The following RGS6 variants were observed in gnomAD, a reference collection of about 807,000 sequenced individuals.
The protein encoded by RGS6 is regulator of G-protein signaling 6.
RGS6 carries 30 observed loss-of-function variants against 78.5 expected under a neutral mutation model. The ratio of observed to expected loss-of-function variants is 0.38; its 90% CI spans 0.29 to 0.52. RGS6 has a LOEUF of 0.52. Ranked by LOEUF, RGS6 falls within the 20% of genes least tolerant of loss-of-function variation. The probability of loss-of-function intolerance (pLI) is 0.85; values close to 1 mark genes in which losing one functional copy is unlikely to be tolerated. For synonymous variants in RGS6, 206 were observed against 206.0 expected (o/e 1.00, Z 0.00); for missense variants, 495 against 609.7 (o/e 0.81, Z 1.98).
chr14:72,338,080 C>G (rs147427337), intron 2 of RGS6, among the ~76,000 whole-genome samples: 1 of 152,294 alleles, frequency 6.6e-6, no homozygotes, highest in African/African-American at 2.4e-5. Context: ...AGATATGGGC[C>G]TCCCCTTGAC....
chr14:72,619,276 C>T, the RGS6 span: 14 of 1,535,604 alleles, frequency 9.1e-6, no homozygotes, highest in East Asian at 9.8e-5. Flanking sequence ...AGCAGCGAGT[C>T]ACATTCTGTG....
the RGS6 span, among the ~76,000 whole-genome samples, chr14:72,624,333 C>CTTTTTTTTTTTTTTTTTT: frequency 3.1e-5 from 3 of 97,796 alleles, no homozygotes; most frequent in African/African-American, 1.2e-4. Flanking sequence ...ACCTATGTCT[C>CTTTTTTTTTTTTTTTTTT]TTTTTTTTTT....
chr14:72,268,952 C>G (rs1397941581), intron 2 of RGS6, among the ~76,000 whole-genome samples: 3 of 152,192 alleles, frequency 2.0e-5, no homozygotes, highest in Non-Finnish European at 4.4e-5. Context: ...GGCAATTCGA[C>G]CTGATCTCTC....
chr14:72,238,157 C>G (rs2051665785), intron 2 of RGS6, among the ~76,000 whole-genome samples: 1 of 152,178 alleles, frequency 6.6e-6, no homozygotes, highest in South Asian at 2.1e-4. Context: ...CAAAGTTGTT[C>G]TCTTTGAAGT....
intron 3 of RGS6, among the ~76,000 whole-genome samples, chr14:72,376,422 G>T (rs1271225881): frequency 1.3e-5 from 2 of 152,208 alleles, no homozygotes; most frequent in African/African-American, 4.8e-5. Flanking sequence ...GGGAAAAGGT[G>T]CAGAAAACAT....
chr14:72,456,008 G>T (rs2095620449), intron 4 of RGS6, among the ~76,000 whole-genome samples: 1 of 152,162 alleles, frequency 6.6e-6, no homozygotes, highest in Non-Finnish European at 1.5e-5. Context: ...GTGAGAATGA[G>T]CTTCAGGAAT....
chr14:71,962,262 A>T (rs914634408), intron 1 of RGS6, among the ~76,000 whole-genome samples: 1 of 151,928 alleles, frequency 6.6e-6, no homozygotes, highest in Non-Finnish European at 1.5e-5. Context: ...AACACACACA[A>T]ATGCTTCTGT....
Position 72,510,256 on chromosome 14 carries a change from C to T in RGS6, c.1068C>T (p.Ser356=). 1 of 1,614,096 alleles carries T rather than the reference C, an allele frequency of 6.2e-7. No homozygotes were observed. The highest frequency in any genetic ancestry group is 1.6e-4 in the Middle Eastern group (1 of 6,062). Residue 356 remains serine (S), a synonymous_variant, in exon 14 of 18, where the codon TCC becomes TCT. Transcript: ENST00000553525. ...GRDQFLRFLE[S]EFSSENLRFW... ...ACCAGTTTCTACGATTCCTGGAGTC[C>T]GAATTCAGTTCAGAAAACCTCAGGT... is the stretch of plus-strand genomic sequence containing the variant.
At chr14:72,120,560 A>T (rs1007767952) in intron 2 of RGS6, among the ~76,000 whole-genome samples, 9 of 152,236 alleles carry the variant, frequency 5.9e-5, no homozygotes. Flanking sequence ...ACTGAAAAGC[A>T]GGATACCACC....
intron 1 of RGS6, among the ~76,000 whole-genome samples, chr14:71,942,092 A>G (rs943160350): frequency 2.6e-5 from 4 of 152,244 alleles, no homozygotes; most frequent in Admixed American, 2.0e-4. Flanking sequence ...AAGACAAAAG[A>G]ATAATCATCC....
At chr14:72,390,075 T>A in intron 3 of RGS6, among the ~76,000 whole-genome samples, 1 of 141,568 alleles carries the variant, frequency 7.1e-6, no homozygotes, top group East Asian at 2.2e-4. Flanking sequence ...CAGAAAAGTA[T>A]AAAGAGCTAT....
intron 2 of RGS6, among the ~76,000 whole-genome samples, chr14:72,003,515 A>T (rs2083900565): frequency 6.6e-6 from 1 of 152,214 alleles, no homozygotes; most frequent in Non-Finnish European, 1.5e-5. Context: ...ATTTTTAAAC[A>T]TACCTTGATT....
chr14:72,089,417 G>A (rs1222650591), intron 2 of RGS6, among the ~76,000 whole-genome samples: 1 of 152,208 alleles, frequency 6.6e-6, no homozygotes, highest in Non-Finnish European at 1.5e-5. Flanking sequence ...AAGGAAGTAG[G>A]CCAACATCAG....
At chr14:72,182,372 G>A (rs1007458776) in intron 2 of RGS6, among the ~76,000 whole-genome samples, 10 of 150,186 alleles carry the variant, frequency 6.7e-5, no homozygotes, top group Non-Finnish European at 1.5e-4. Context: ...CCCGGGAGGC[G>A]GAGGTTGCTG....
chr14:72,033,842 T>C (rs895335442), intron 2 of RGS6, among the ~76,000 whole-genome samples: 61 of 152,300 alleles, frequency 4.0e-4, no homozygotes, highest in African/African-American at 1.4e-3. Context: ...AGCTGCATGG[T>C]TTTATATTCT....
chr14:72,404,936 C>T (rs547641898), intron 3 of RGS6, among the ~76,000 whole-genome samples: 1 of 152,192 alleles, frequency 6.6e-6, no homozygotes, highest in African/African-American at 2.4e-5. Context: ...GAAGATCTGT[C>T]AGGATGAAGA....
At chr14:72,218,573 A>G (rs1310793900) in intron 2 of RGS6, among the ~76,000 whole-genome samples, 2 of 152,018 alleles carry the variant, frequency 1.3e-5, no homozygotes, top group Admixed American at 1.3e-4. Context: ...ATCAATACAT[A>G]ACCTTGTTTT....
intron 13 of RGS6, among the ~76,000 whole-genome samples, chr14:72,508,784 G>A (rs2096843247): frequency 6.6e-6 from 1 of 151,972 alleles, no homozygotes; most frequent in African/African-American, 2.4e-5. Context: ...GGTTCTTGTT[G>A]AACTGTAGGT....
chr14:72,512,586 A>G (rs1490923279), intron 14 of RGS6, among the ~76,000 whole-genome samples: 1 of 152,174 alleles, frequency 6.6e-6, no homozygotes, highest in Non-Finnish European at 1.5e-5. Flanking sequence ...AGAAATCCAG[A>G]CTTCAGAGGG....
Sources: allele counts gnomAD v4.1 joint callset (sites outside exome capture counted in the v4.1 genomes callset), GRCh38; gene constraint gnomAD v4.1.1; transcripts MANE v1.5; gene names NCBI Gene and HGNC (gene_info 2026-07-23, HGNC 2026-07-21).